FARS2: variants seen among roughly 807,000 people sequenced by gnomAD.
FARS2 encodes phenylalanine--tRNA ligase, mitochondrial.
A neutral mutation model predicts 46.4 loss-of-function variants in FARS2; 40 were observed. The ratio of observed to expected loss-of-function variants is 0.86; its 90% confidence interval spans 0.67 to 1.12. The LOEUF (loss-of-function observed/expected upper bound fraction) is 1.12. Ranked by LOEUF, FARS2 falls within the 50% of genes most tolerant of loss-of-function variation. FARS2 has a pLI of 0.00. For synonymous variants in FARS2, 234 were observed against 214.9 expected (o/e 1.09, Z -0.78); for missense variants, 513 against 567.9 (o/e 0.90, Z 0.98).
intron 6 of FARS2, among the ~76,000 whole-genome samples, chr6:5,669,938 G>T (rs1192598108): frequency 2.0e-5 from 3 of 152,222 alleles, no homozygotes; most frequent in African/African-American, 7.2e-5. Flanking sequence ...ATGAACGGGG[G>T]TGGGGAAGAA....
chr6:5,537,944 C>T (rs935141310), intron 4 of FARS2, among the ~76,000 whole-genome samples: 5 of 151,928 alleles, frequency 3.3e-5, no homozygotes, highest in Non-Finnish European at 7.4e-5. Flanking sequence ...TGCATAGGCT[C>T]GCCCTCTTAG....
Position 5,512,917 on chromosome 6 carries a change from T to C in FARS2, c.905-32263T>C, listed in dbSNP as rs1298024780. ...GGAGAATATGGGAGTGAGGGAAAAATGTAGACTGATGTCCAGTCATCAGAC... is the reference window on the plus strand; with the variant it reads ...GGAGAATATGGGAGTGAGGGAAAAACGTAGACTGATGTCCAGTCATCAGAC... On this transcript the variant is annotated intron_variant, in intron 4 of 6. Coordinates refer to ENST00000274680, the MANE Select transcript of FARS2 (RefSeq NM_006567.5). Among the ~76,000 whole-genome samples the C allele has an allele frequency of 3.3e-5, 5 of 152,070 alleles. No homozygotes were observed. In the East Asian group the frequency reaches 7.7e-4, roughly 23 times the overall value.
intron 4 of FARS2, among the ~76,000 whole-genome samples, chr6:5,534,836 C>T (rs1044495573): frequency 1.3e-4 from 20 of 150,596 alleles, no homozygotes; most frequent in East Asian, 2.0e-4. Context: ...CGCACACACA[C>T]GCACGCATAC....
chr6:5,470,188 C>T (rs1212056559), intron 4 of FARS2, among the ~76,000 whole-genome samples: 2 of 151,972 alleles, frequency 1.3e-5, no homozygotes, highest in Non-Finnish European at 2.9e-5. Context: ...GTTCTGCATC[C>T]GCAGACTCAA....
intron 5 of FARS2, among the ~76,000 whole-genome samples, chr6:5,578,260 G>T (rs1266844530): frequency 6.6e-6 from 1 of 152,080 alleles, no homozygotes; most frequent in East Asian, 1.9e-4. Context: ...CTCAGCCAGG[G>T]TCCCCAGCCA....
intron 4 of FARS2, among the ~76,000 whole-genome samples, chr6:5,496,592 C>T (rs954359866): frequency 2.0e-5 from 3 of 152,140 alleles, no homozygotes; most frequent in African/African-American, 7.2e-5. Flanking sequence ...TCTCCTGAGG[C>T]CTCTTTCCTT....
chr6:5,753,526 A>G (rs896274595), intron 6 of FARS2, among the ~76,000 whole-genome samples: 10 of 152,078 alleles, frequency 6.6e-5, no homozygotes, highest in Admixed American at 5.2e-4. Flanking sequence ...AATCGCAGAA[A>G]TGATCAGCTG....
chr6:5,548,907 A>G (rs1204203503), intron 5 of FARS2, among the ~76,000 whole-genome samples: 1 of 152,214 alleles, frequency 6.6e-6, no homozygotes, highest in Non-Finnish European at 1.5e-5. Context: ...CATATTTAGT[A>G]TATGTTCATA....
At chr6:5,257,269 T>C (rs726087), upstream of FARS2, among the ~76,000 whole-genome samples, 1 of 152,016 alleles carries the variant, frequency 6.6e-6, no homozygotes, top group Non-Finnish European at 1.5e-5. Flanking sequence ...AACCCCATCA[T>C]ACTTACCTCC....
chr6:5,499,407 A>G (rs1046691754), intron 4 of FARS2, among the ~76,000 whole-genome samples: 8 of 152,210 alleles, frequency 5.3e-5, no homozygotes, highest in African/African-American at 1.4e-4. Context: ...AGTGCAGGAC[A>G]TGAGTGAATT....
At chr6:5,732,835 A>T (rs1406258079) in intron 6 of FARS2, among the ~76,000 whole-genome samples, 4 of 151,484 alleles carry the variant, frequency 2.6e-5, no homozygotes, top group Admixed American at 1.3e-4. Context: ...ATCAGGCATG[A>T]TTCAAATCCT....
chr6:5,747,465 G>A (rs1283195906), intron 6 of FARS2, among the ~76,000 whole-genome samples: 1 of 152,212 alleles, frequency 6.6e-6, no homozygotes, highest in Non-Finnish European at 1.5e-5. Flanking sequence ...TTTGGAGATG[G>A]AGCCTGTGGG....
chr6:5,320,596 A>C (rs1581774960), intron 1 of FARS2, among the ~76,000 whole-genome samples: 1 of 152,242 alleles, frequency 6.6e-6, no homozygotes, highest in African/African-American at 2.4e-5. Flanking sequence ...TGGTGGGAGA[A>C]AGTAGGAATT....
intron 4 of FARS2, among the ~76,000 whole-genome samples, chr6:5,479,854 T>C (rs955033468): frequency 2.2e-4 from 33 of 152,184 alleles, no homozygotes; most frequent in African/African-American, 7.5e-4. Context: ...TATACCAGTC[T>C]CAGGGAGATA....
intron 4 of FARS2, among the ~76,000 whole-genome samples, chr6:5,481,641 T>A (rs1766463315): frequency 6.6e-6 from 1 of 152,144 alleles, no homozygotes; most frequent in African/African-American, 2.4e-5. Flanking sequence ...AGAGTCACAG[T>A]CCTATTTATT....
chr6:5,480,134 C>G (rs1000109528), intron 4 of FARS2, among the ~76,000 whole-genome samples: 4 of 152,224 alleles, frequency 2.6e-5, no homozygotes, highest in Non-Finnish European at 5.9e-5. Flanking sequence ...ATCAAACTGG[C>G]AGTTGACGCA....
chr6:5,367,369 G>A (rs77155630), intron 1 of FARS2, among the ~76,000 whole-genome samples: 5,587 of 152,144 alleles, frequency 0.037, 308 homozygotes, highest in African/African-American at 0.12. Flanking sequence ...TATAATTTAA[G>A]TTTGTGAATG....
intron 4 of FARS2, chr6:5,431,924 G>C (rs966128426): frequency 5.3e-6 from 1 of 188,134 alleles, no homozygotes; most frequent in African/African-American, 2.3e-5. Flanking sequence ...TTTTTTTTAA[G>C]TCACTATCTG....
At chr6:5,366,199 A>T (rs1758665291) in intron 1 of FARS2, among the ~76,000 whole-genome samples, 1 of 152,158 alleles carries the variant, frequency 6.6e-6, no homozygotes, top group Non-Finnish European at 1.5e-5. Flanking sequence ...TAGTTACGTG[A>T]TCTTTTTGAG....
Sources: gnomAD v4.1 joint callset for allele counts (sites outside exome capture counted in the v4.1 genomes callset) on GRCh38, gnomAD v4.1.1 for gene constraint, MANE v1.5 for transcripts, NCBI Gene and HGNC (gene_info 2026-07-23, HGNC 2026-07-21) for gene names.